The following COL6A5 variants were observed in gnomAD, a reference collection of about 807,000 sequenced individuals.
COL6A5 encodes collagen type VI alpha 5 chain.
Under a neutral mutation model 65.6 loss-of-function variants are expected in COL6A5, and 48 were observed. That is an observed-to-expected ratio of 0.73 (90% confidence interval 0.58 to 0.93). COL6A5 has a LOEUF of 0.93. Among genes scored for constraint, COL6A5 ranks in the 40% least tolerant of loss-of-function variants. The pLI, the probability that COL6A5 is intolerant of heterozygous loss-of-function variation, is 0.00. For missense variants in COL6A5, 914 were observed against 928.3 expected (o/e 0.98, Z 0.20); for synonymous variants, 291 against 322.8 (o/e 0.90, Z 1.05).
chr3:130,405,699 A>T (rs1936963864), intron 14 of COL6A5, 40 bp downstream of exon 14: 1 of 1,434,008 alleles, frequency 7.0e-7, no homozygotes, highest in Non-Finnish European at 9.6e-7. Flanking sequence ...ATTCTCTGTA[A>T]CATTCTCTCC....
At chr3:130,395,571 AT>A (rs1936571173) in intron 8 of COL6A5, 106 bp downstream of exon 8, 5 of 856,006 alleles carry the variant, frequency 5.8e-6, no homozygotes, top group Non-Finnish European at 7.3e-6. Context: ...TAGAACATAT[AT>A]TTAGTGAGAA....
intron 5 of COL6A5, among the ~76,000 whole-genome samples, chr3:130,460,727 G>T (rs780861037): frequency 6.6e-6 from 1 of 151,976 alleles, no homozygotes; most frequent in African/African-American, 2.4e-5. Flanking sequence ...TGGTTGAGGT[G>T]GGTGGTAGGG....
At chr3:130,372,061 A>G (rs1178754714) in intron 1 of COL6A5, among the ~76,000 whole-genome samples, 2 of 152,220 alleles carry the variant, frequency 1.3e-5, no homozygotes, top group Non-Finnish European at 2.9e-5. Context: ...AGAGATACAA[A>G]TGGCCATTAA....
At chr3:130,392,987 C>A (rs1473330267) in intron 7 of COL6A5, among the ~76,000 whole-genome samples, 1 of 152,116 alleles carries the variant, frequency 6.6e-6, no homozygotes, top group African/African-American at 2.4e-5. Context: ...CTCCCTCAGT[C>A]CTGACACACC....
exon 1 of COL6A5, chr3:130,345,780 T>C: frequency 2.5e-6 from 1 of 398,596 alleles, no homozygotes; most frequent in Non-Finnish European, 4.4e-6. Flanking sequence ...AGGCGTTCGC[T>C]GCGGGAATCC....
chr3:130,467,004 T>C (rs1709833855), intron 5 of COL6A5, among the ~76,000 whole-genome samples: 1 of 151,984 alleles, frequency 6.6e-6, no homozygotes, highest in Non-Finnish European at 1.5e-5. Flanking sequence ...CACTGGTGAA[T>C]TCAACTAAAA....
exon 8 of COL6A5, chr3:130,484,182 T>G: frequency 2.5e-6 from 2 of 797,688 alleles, no homozygotes; most frequent in Non-Finnish European, 1.8e-6. Context: ...AATTGGCTAA[T>G]AGCATGCTAA....
chr3:130,484,668 A>G (rs1171627295), exon 8 of COL6A5: 1 of 393,992 alleles, frequency 2.5e-6, no homozygotes, highest in Admixed American at 4.6e-5. Flanking sequence ...AATTTTATGA[A>G]CCATATTTTT....
chr3:130,473,582 A>G (rs919759385), intron 7 of COL6A5, among the ~76,000 whole-genome samples: 1 of 152,088 alleles, frequency 6.6e-6, no homozygotes, highest in Non-Finnish European at 1.5e-5. Context: ...AACTCAGTAT[A>G]CCACTGGAGG....
At chr3:130,398,631 A>G (rs186101107) in intron 10 of COL6A5, among the ~76,000 whole-genome samples, 1 of 152,164 alleles carries the variant, frequency 6.6e-6, no homozygotes, top group African/African-American at 2.4e-5. Context: ...ATGACCTTCT[A>G]TATAGACATG....
chr3:130,416,710 A>G (rs1937347940), intron 23 of COL6A5, 47 bp from the exon 24 acceptor site: 4 of 1,076,102 alleles, frequency 3.7e-6, no homozygotes, highest in Middle Eastern at 3.9e-4. Context: ...TGGGCTTTCT[A>G]AGAATTACTA....
exon 8 of COL6A5, chr3:130,395,210 G>C: frequency 6.4e-7 from 1 of 1,551,694 alleles, no homozygotes; most frequent in Non-Finnish European, 8.7e-7. Context: ...GAGAAGAAAT[G>C]CTGGTGTCCC....
chr3:130,422,112 T>C lies in COL6A5; in HGVS notation c.5038-608T>C, dbSNP rs187782940. On this transcript the variant is annotated intron_variant and NMD_transcript_variant, in intron 27 of 41. Coordinates refer to the COL6A5 transcript ENST00000312481. ...TATAGGAAAACTGTCAACTGCTGAATCCTCTTAAAACTATTTTTAATGAAT... is the reference window on the plus strand; with the variant it reads ...TATAGGAAAACTGTCAACTGCTGAACCCTCTTAAAACTATTTTTAATGAAT... Among the ~76,000 whole-genome samples, 13 of 152,192 alleles carry C rather than the reference T, an allele frequency of 8.5e-5. No homozygotes were observed. The East Asian group carries it at 1.5e-3, about 18-fold the overall frequency.
chr3:130,453,255 G>A (rs1709487965), intron 4 of COL6A5, among the ~76,000 whole-genome samples: 1 of 152,118 alleles, frequency 6.6e-6, no homozygotes, highest in African/African-American at 2.4e-5. Context: ...CACAATTTAT[G>A]TTTAGAGATT....
At chr3:130,412,048 T>A (rs74336538) in intron 20 of COL6A5, among the ~76,000 whole-genome samples, 10 of 152,076 alleles carry the variant, frequency 6.6e-5, no homozygotes, top group Non-Finnish European at 1.3e-4. Context: ...GTGACAGAAT[T>A]TCAACTTATG....
At chr3:130,349,491 A>T (rs1168222378) in intron 1 of COL6A5, among the ~76,000 whole-genome samples, 6 of 152,222 alleles carry the variant, frequency 3.9e-5, no homozygotes, top group African/African-American at 1.2e-4. Context: ...AGTAGTTATG[A>T]TTATGTAATT....
Position 130,440,217 on chromosome 3 carries a change from C to A in COL6A5, c.635C>A (p.Ser212Ter). The A allele has an allele frequency of 6.2e-7, 1 of 1,613,128 alleles. No homozygotes were observed. The highest frequency in any genetic ancestry group is 8.5e-7 in the Non-Finnish European group (1 of 1,179,546). Residue 212 changes from serine to a stop codon, truncating the protein, a stop_gained, in exon 3 of 8, where the codon TCA becomes TAA. Coordinates refer to ENST00000512836, the Ensembl canonical transcript of COL6A5. LOFTEE classifies it high-confidence loss of function. Reference sequence around the variant, plus strand: ...CGAGAGGCTTTCTTACCTGAAGATTCATACATGGATGTAGTCTTCCTCATA... The same window carrying A: ...CGAGAGGCTTTCTTACCTGAAGATTAATACATGGATGTAGTCTTCCTCATA...
In COL6A5 at chr3:130,460,967, G is replaced by T. The variant is rs77602107; in HGVS notation, c.1544+5301G>T. Among the ~76,000 whole-genome samples, 37 of 151,966 alleles carry T rather than the reference G, an allele frequency of 2.4e-4. No homozygotes were observed. The East Asian group carries it at 7.0e-3, about 29-fold the overall frequency. On this transcript the variant is annotated intron_variant, in intron 5 of 7. Coordinates refer to ENST00000512836, the Ensembl canonical transcript of COL6A5. ...GTGGTGGTAGTGGTGACGGCAAGTT[G>T]GTTGGATGATGGCAGCCCTCATAGA...
Position 130,370,173 on chromosome 3 carries a change from G to A in COL6A5, c.-28-3438G>A, listed in dbSNP as rs116653590. The stretch of plus-strand genomic sequence containing the variant: ...GAGTTAGGAGGAGCCTTAGAGATGT[G>A]ATTCAACTCTCTCCAAAGGGACCCC... On this transcript the variant is annotated intron_variant and NMD_transcript_variant, in intron 1 of 41. Transcript: ENST00000312481. Among the ~76,000 whole-genome samples, 742 of 152,260 alleles carry A rather than the reference G, an allele frequency of 4.9e-3. 3 individuals are homozygous for A. Among genetic ancestry groups the A allele is most frequent in the African/African-American group, 0.017 (722 of 41,554 alleles).
Sources: allele counts gnomAD v4.1 joint callset (sites outside exome capture counted in the v4.1 genomes callset), GRCh38; gene constraint gnomAD v4.1.1; transcripts MANE v1.5; gene names NCBI Gene and HGNC (gene_info 2026-07-23, HGNC 2026-07-21).